Variants in ERC2 observed in about 807,000 individuals in gnomAD.
ERC2 encodes the protein ELKS/RAB6-interacting/CAST family member 2, also known as ERC protein 2.
A neutral mutation model predicts 114.8 loss-of-function variants in ERC2; 42 were observed. The observed-to-expected ratio is 0.37, with a 90% CI of 0.29 to 0.47. The LOEUF is 0.47. ERC2 is among the 20% of genes least tolerant of loss of function. The probability of loss-of-function intolerance (pLI) is 0.99; values close to 1 mark genes in which losing one functional copy is unlikely to be tolerated. For synonymous variants in ERC2, 454 were observed against 425.5 expected (o/e 1.07, Z -0.82); for missense variants, 939 against 1,150.7 (o/e 0.82, Z 2.66).
At chr3:56,286,103 G>T (rs1261282146) in intron 3 of ERC2, among the ~76,000 whole-genome samples, 2 of 152,150 alleles carry the variant, frequency 1.3e-5, no homozygotes, top group East Asian at 3.9e-4. Flanking sequence ...CAAAACTACA[G>T]ATCTAATAAC....
intron 6 of ERC2, among the ~76,000 whole-genome samples, chr3:56,083,824 C>T (rs1051865063): frequency 6.6e-6 from 1 of 151,182 alleles, no homozygotes; most frequent in Non-Finnish European, 1.5e-5. Context: ...GCTATACCAG[C>T]AATCAGGAAG....
intron 17 of ERC2, among the ~76,000 whole-genome samples, chr3:55,560,951 C>G (rs751951769): frequency 1.3e-5 from 2 of 152,076 alleles, no homozygotes; most frequent in Non-Finnish European, 2.9e-5. Flanking sequence ...AGTGAGTACA[C>G]GGAACCTCTT....
chr3:55,944,851 T>G lies in ERC2; in HGVS notation c.2403+5574A>C, dbSNP rs555467032. ...TCCCCAAGGAAAGAAAGCACTTCTG[T>G]GCTGACCCTCAGTCCTACTCGTCAA... is the stretch of plus-strand genomic sequence containing the variant. On this transcript the variant is annotated intron_variant, in intron 13 of 17. Coordinates refer to ENST00000288221, the MANE Select transcript of ERC2 (RefSeq NM_015576.3). Among the ~76,000 whole-genome samples, 92 of 152,322 alleles carry G rather than the reference T, an allele frequency of 6.0e-4. 1 individual carries two copies. In the South Asian group the frequency reaches 0.019, roughly 32 times the overall value.
Position 55,510,942 on chromosome 3 carries a change from A to G in ERC2, c.*374T>C, listed in dbSNP as rs2052027778. 1 of 152,242 alleles carries G rather than the reference A, an allele frequency of 6.6e-6. No individual in the cohort carries two copies. The highest frequency in any genetic ancestry group is 1.5e-5 in the Non-Finnish European group (1 of 68,038). 9.4% of individuals were successfully genotyped at this position (152,242 alleles called of 1,614,324 possible). A position where few individuals can be genotyped will look rare whatever the true frequency, so the allele number is the denominator to read the frequency against. The stretch of plus-strand genomic sequence containing the variant: ...AGTTCAAATTTATCCAATGATGTTT[A>G]AGTAACATAAACAAAATGTTATCAA... On this transcript the variant is annotated 3_prime_UTR_variant, in exon 18 of 18. Transcript: ENST00000288221.
At chr3:56,201,820 A>G (rs1033292833) in intron 3 of ERC2, among the ~76,000 whole-genome samples, 1 of 152,198 alleles carries the variant, frequency 6.6e-6, no homozygotes, top group Non-Finnish European at 1.5e-5. Context: ...GTTCCCATGG[A>G]ACAATTTCTT....
In ERC2 at chr3:56,032,921, A is replaced by AGAGAGAGAC. The variant is rs1560056350; in HGVS notation, c.1642-13891_1642-13890insGTCTCTCTC. ...AGAGACAGAAAGAAAGAAAGAAAGA[A>AGAGAGAGAC]AGAAAGAAAGAAAGAAAGAAAGAAA... On this transcript the variant is annotated intron_variant, in intron 7 of 17. Coordinates refer to ENST00000288221, the MANE Select transcript of ERC2 (RefSeq NM_015576.3). Among the ~76,000 whole-genome samples, 52 of 80,872 alleles carry AGAGAGAGAC rather than the reference A, an allele frequency of 6.4e-4. 1 individual carries two copies. Among genetic ancestry groups the AGAGAGAGAC allele is most frequent in the Non-Finnish European group, 1.0e-3 (37 of 36,282 alleles). The allele number at this position is 80,872 out of a possible 152,430, so 53.1% of individuals were successfully genotyped here.
intron 13 of ERC2, among the ~76,000 whole-genome samples, chr3:55,902,067 TA>T (rs1453357992): frequency 6.6e-6 from 1 of 152,218 alleles, no homozygotes; most frequent in Non-Finnish European, 1.5e-5. Context: ...CATCTTATGC[TA>T]ACCCATAGAT....
Position 55,561,385 on chromosome 3 carries a change from T to A in ERC2, c.*40-50109A>T, listed in dbSNP as rs374737818. Among the ~76,000 whole-genome samples, 45 of 152,192 alleles carry A rather than the reference T, an allele frequency of 3.0e-4. 1 individual carries two copies. In the East Asian group the frequency reaches 8.7e-3, roughly 29 times the overall value. On this transcript the variant is annotated intron_variant, in intron 17 of 17. Coordinates refer to ENST00000288221, the MANE Select transcript of ERC2 (RefSeq NM_015576.3). The stretch of plus-strand genomic sequence containing the variant: ...AAACCCCTCAGAGGCTGTGGGTGCA[T>A]TTCTGTGGGTTAGAGGGTAGGTAAG...
chr3:55,538,669 G>A (rs1157428711), intron 17 of ERC2, among the ~76,000 whole-genome samples: 2 of 152,106 alleles, frequency 1.3e-5, no homozygotes, highest in African/African-American at 4.8e-5. Context: ...GTCTCCTCAG[G>A]CAAAAAATAA....
At chr3:55,709,603 C>A (rs2063667285) in intron 15 of ERC2, among the ~76,000 whole-genome samples, 1 of 152,206 alleles carries the variant, frequency 6.6e-6, no homozygotes, top group African/African-American at 2.4e-5. Context: ...CGCTCTCCTT[C>A]AAGGGCTTTG....
chr3:56,463,259 G>A (rs936800078), intron 1 of ERC2, among the ~76,000 whole-genome samples: 3 of 152,068 alleles, frequency 2.0e-5, no homozygotes, highest in Admixed American at 6.6e-5. Flanking sequence ...AAAAACCATG[G>A]CTTTATCTTC....
chr3:55,862,341 T>C (rs543707399), intron 14 of ERC2, among the ~76,000 whole-genome samples: 1 of 152,290 alleles, frequency 6.6e-6, no homozygotes, highest in African/African-American at 2.4e-5. Flanking sequence ...CAAAGGTCCT[T>C]GGAAGGGGGT....
intron 15 of ERC2, among the ~76,000 whole-genome samples, chr3:55,700,793 C>T (rs991731809): frequency 2.0e-5 from 3 of 152,118 alleles, no homozygotes; most frequent in Non-Finnish European, 4.4e-5. Context: ...TTTATCCGTC[C>T]GTATGTCTGT....
At chr3:56,311,253 C>CTATATATA (rs1419051347) in intron 2 of ERC2, among the ~76,000 whole-genome samples, 4 of 43,526 alleles carry the variant, frequency 9.2e-5, no homozygotes, top group African/African-American at 2.9e-4. Flanking sequence ...CTCTCTCTCT[C>CTATATATA]TCTATATATA....
In ERC2 at chr3:56,324,391, G is replaced by A. The variant is rs75911876; in HGVS notation, c.658-27956C>T. Among the ~76,000 whole-genome samples, 1,389 of 152,272 alleles carry A rather than the reference G, an allele frequency of 9.1e-3. 19 individuals carry two copies. Among genetic ancestry groups the A allele is most frequent in the African/African-American group, 0.03 (1,266 of 41,556 alleles). On this transcript the variant is annotated intron_variant, in intron 2 of 17. Coordinates refer to ENST00000288221, the MANE Select transcript of ERC2 (RefSeq NM_015576.3). ...AAGGTTATGTCCTGATAAACCCATC[G>A]TAAGTTGAAAATATTAAGTAAAAAA...
chr3:56,127,733 A>G (rs956914098), intron 6 of ERC2, among the ~76,000 whole-genome samples: 1 of 152,110 alleles, frequency 6.6e-6, no homozygotes, highest in Non-Finnish European at 1.5e-5. Flanking sequence ...AAAAGAAAAA[A>G]AAAAAAAAAC....
rs79097866 is a variant in ERC2, at chr3:56,303,103, G to C, written c.658-6668C>G. Among the ~76,000 whole-genome samples, 145 of 152,280 alleles carry C rather than the reference G, an allele frequency of 9.5e-4. 2 individuals carry two copies. The highest frequency in any genetic ancestry group is 3.3e-3 in the African/African-American group (137 of 41,556). ...TCTGCAAAGATTCAAAATTCAAAAG[G>C]CAAACTCCATTCTCCACTGTCTGCC... On this transcript the variant is annotated intron_variant, in intron 2 of 17. Transcript: ENST00000288221.
intron 14 of ERC2, among the ~76,000 whole-genome samples, chr3:55,753,964 T>C (rs2066887155): frequency 6.6e-6 from 1 of 152,170 alleles, no homozygotes; most frequent in South Asian, 2.1e-4. Context: ...TCTTCATCTG[T>C]AAAATGAGAA....
At chr3:55,677,265 C>A (rs1219513821) in intron 17 of ERC2, among the ~76,000 whole-genome samples, 3 of 152,156 alleles carry the variant, frequency 2.0e-5, no homozygotes, top group African/African-American at 4.8e-5. Flanking sequence ...CTTTGCTATA[C>A]CCAAGTGTTA....
Sources: allele counts gnomAD v4.1 joint callset (sites outside exome capture counted in the v4.1 genomes callset), GRCh38; gene constraint gnomAD v4.1.1; transcripts MANE v1.5; gene names NCBI Gene and HGNC (gene_info 2026-07-23, HGNC 2026-07-21).